ANKRD31: variants seen among roughly 807,000 people sequenced by gnomAD.
ANKRD31 encodes the protein ankyrin repeat domain-containing protein 31.
Under a neutral mutation model 186.0 loss-of-function variants are expected in ANKRD31, and 147 were observed. That is an observed-to-expected ratio of 0.79 (90% CI 0.69 to 0.91). The LOEUF is 0.91. Ranked by LOEUF, ANKRD31 falls within the 40% of genes least tolerant of loss-of-function variation. The probability of loss-of-function intolerance (pLI) is 0.00; values close to 1 mark genes in which losing one functional copy is unlikely to be tolerated. For synonymous variants in ANKRD31, 673 were observed against 736.4 expected, an observed-to-expected ratio of 0.91 and a Z score of 1.39; for missense variants, 1,986 against 2,148.8, an observed-to-expected ratio of 0.92 and a Z score of 1.50.
intron 6 of ANKRD31, among the ~76,000 whole-genome samples, chr5:75,197,692 A>C (rs1007961544): frequency 6.6e-6 from 1 of 152,208 alleles, no homozygotes; most frequent in African/African-American, 2.4e-5. Flanking sequence ...AAGTCCTCGC[A>C]CCAGGTATAA....
intron 3 of ANKRD31, among the ~76,000 whole-genome samples, chr5:75,221,735 C>T (rs1757316385): frequency 6.6e-6 from 1 of 152,156 alleles, no homozygotes; most frequent in Admixed American, 6.5e-5. Context: ...TTTTCTTCCC[C>T]AGTCTACTCA....
At chr5:75,093,438 C>T (rs1034775924) in intron 22 of ANKRD31, among the ~76,000 whole-genome samples, 1 of 151,944 alleles carries the variant, frequency 6.6e-6, no homozygotes, top group Admixed American at 6.6e-5. Context: ...ACTGAGATTG[C>T]ACCACTGCAC....
intron 3 of ANKRD31, among the ~76,000 whole-genome samples, chr5:75,219,023 C>T (rs1757133256): frequency 1.3e-5 from 2 of 152,016 alleles, no homozygotes; most frequent in Admixed American, 6.6e-5. Flanking sequence ...ACAGCCACCA[C>T]CAAACATCAT....
intron 19 of ANKRD31, 147 bp from the exon 20 acceptor site, chr5:75,112,747 G>T: frequency 2.0e-6 from 1 of 492,304 alleles, no homozygotes. Context: ...GTACTCATAC[G>T]TTGTATAAGC....
At chr5:75,092,157 T>C (rs569284693) in intron 22 of ANKRD31, among the ~76,000 whole-genome samples, 2 of 152,128 alleles carry the variant, frequency 1.3e-5, no homozygotes, top group African/African-American at 4.8e-5. Context: ...CTAACTTCAT[T>C]TGCAACAGAG....
rs530038515 is a variant in ANKRD31, at chr5:75,193,549, G to A, written c.1060C>T (p.His354Tyr). Residue 354 changes from histidine to tyrosine, a missense_variant, in exon 8 of 26, where the codon CAT becomes TAT. By Grantham distance (83) the His-to-Tyr change is moderately conservative. Coordinates refer to ENST00000506364, the MANE Select transcript of ANKRD31 (RefSeq NM_001372053.1). Reference sequence around the variant, plus strand: ...GGCTCACAAGAAGTGATATTTTGATGAGCCAAAGTTTGCAATCCAGATGGA... The same window carrying A: ...GGCTCACAAGAAGTGATATTTTGATAAGCCAAAGTTTGCAATCCAGATGGA... ...PNPSGLQTLA[H>Y]QNITSCEPLS... 37 of 1,536,552 alleles carry A rather than the reference G, an allele frequency of 2.4e-5. No individual in the cohort carries two copies. The highest frequency in any genetic ancestry group is 3.2e-5 in the Non-Finnish European group (37 of 1,146,620).
chr5:75,154,402 G>A, intron 11 of ANKRD31, 57 bp from the exon 12 acceptor site: 4 of 1,423,096 alleles, frequency 2.8e-6, no homozygotes, highest in Non-Finnish European at 2.8e-6. Context: ...TACTGTGAAT[G>A]TGTGCTAGCA....
At chr5:75,145,839 AC>A (rs1398830810) in intron 14 of ANKRD31, 147 bp downstream of exon 14, 2 of 626,582 alleles carry the variant, frequency 3.2e-6, no homozygotes, top group African/African-American at 3.7e-5. Flanking sequence ...TTACTTAACT[AC>A]TAGGTTTAGT....
intron 6 of ANKRD31, among the ~76,000 whole-genome samples, chr5:75,199,273 G>A (rs553319463): frequency 6.6e-6 from 1 of 152,154 alleles, no homozygotes; most frequent in Admixed American, 6.6e-5. Context: ...AGCAGAGCCA[G>A]TCCTATAGTC....
chr5:75,140,780 G>C (rs1750995130), intron 15 of ANKRD31, among the ~76,000 whole-genome samples: 1 of 152,150 alleles, frequency 6.6e-6, no homozygotes, highest in African/African-American at 2.4e-5. Flanking sequence ...TCACCAGTGA[G>C]GAACTGAGGC....
Position 75,210,871 on chromosome 5 carries a change from A to AG in ANKRD31, c.289-7dup. On this transcript the variant is annotated splice_polypyrimidine_tract_variant and splice_region_variant and intron_variant, in intron 3 of 25. Coordinates refer to ENST00000506364, the MANE Select transcript of ANKRD31 (RefSeq NM_001372053.1). ...CGTTCTGTTTCATCTTGAGACTGCT[A>AG]GGAAAAAAAAAAGTTTTTTCCAACT... 6.6e-7 allele frequency: 1 copy of AG among 1,508,212 alleles called. No individual in the cohort carries two copies. Among genetic ancestry groups the AG allele is most frequent in the South Asian group, 1.3e-5 (1 of 77,370 alleles). 93.4% of individuals were successfully genotyped at this position (1,508,212 alleles called of 1,614,324 possible). A position where few individuals can be genotyped will look rare whatever the true frequency, so the allele number is the denominator to read the frequency against.
At chr5:75,134,202 T>C (rs71429533) in intron 17 of ANKRD31, among the ~76,000 whole-genome samples, 2 of 151,994 alleles carry the variant, frequency 1.3e-5, no homozygotes, top group Non-Finnish European at 2.9e-5. Context: ...CAAAAAACCC[T>C]TCAAAATATT....
chr5:75,094,254 A>G (rs948333900), intron 22 of ANKRD31, among the ~76,000 whole-genome samples: 2 of 152,196 alleles, frequency 1.3e-5, no homozygotes, highest in Non-Finnish European at 1.5e-5. Flanking sequence ...GGTATAACAA[A>G]AGCTATAAAT....
chr5:75,180,087 T>C (rs1240273040), intron 10 of ANKRD31, among the ~76,000 whole-genome samples: 1 of 152,108 alleles, frequency 6.6e-6, no homozygotes, highest in Non-Finnish European at 1.5e-5. Flanking sequence ...TATACACCTA[T>C]AACAGACAAA....
intron 10 of ANKRD31, among the ~76,000 whole-genome samples, chr5:75,187,796 T>TC (rs1486793205): frequency 2.0e-5 from 3 of 152,130 alleles, no homozygotes; most frequent in Non-Finnish European, 2.9e-5. Context: ...TACTGTGCCA[T>TC]CTCTGTGCAC....
chr5:75,114,939 C>T (rs575736469), intron 19 of ANKRD31, among the ~76,000 whole-genome samples: 39 of 152,184 alleles, frequency 2.6e-4, no homozygotes, highest in East Asian at 5.8e-4. Flanking sequence ...AAAAAGAGCC[C>T]GCATCGCCAA....
chr5:75,236,861 G>T lies in ANKRD31; in HGVS notation c.-175C>A. 1 of 515,882 alleles carries T rather than the reference G, an allele frequency of 1.9e-6. No individual in the cohort carries two copies. The highest frequency in any genetic ancestry group is 3.2e-6 in the Non-Finnish European group (1 of 310,274). 32.0% of individuals were successfully genotyped at this position (515,882 alleles called of 1,614,324 possible). A position where few individuals can be genotyped will look rare whatever the true frequency, so the allele number is the denominator to read the frequency against. The stretch of plus-strand genomic sequence containing the variant: ...GAGGAGGACGCAGGCGGCCGCGAGC[G>T]CGGCGGGGTAGCAGTCTGCGAGGCG... On this transcript the variant is annotated 5_prime_UTR_variant, in exon 1 of 26. Transcript: ENST00000506364.
chr5:75,102,761 G>A (rs1270518664), intron 22 of ANKRD31, among the ~76,000 whole-genome samples: 8 of 152,156 alleles, frequency 5.3e-5, no homozygotes, highest in Non-Finnish European at 8.8e-5. Context: ...CTGGTGTGCC[G>A]TTTGCTAAGA....
chr5:75,169,067 T>TC lies in ANKRD31; in HGVS notation c.1618dup (p.Glu540GlyfsTer22). The TC allele has an allele frequency of 6.5e-7, 1 of 1,537,012 alleles. No individual in the cohort carries two copies. The highest frequency in any genetic ancestry group is 1.4e-5 in the African/African-American group (1 of 73,146). On this transcript the variant is annotated frameshift_variant, in exon 11 of 26. Coordinates refer to ENST00000506364, the MANE Select transcript of ANKRD31 (RefSeq NM_001372053.1). LOFTEE classifies it high-confidence loss of function. ...TACATCTGCTCCACCTTTTAATAGTTCACTTGCTGTCCGATAAAATCCTCC... is the reference window on the plus strand; with the variant it reads ...TACATCTGCTCCACCTTTTAATAGTTCCACTTGCTGTCCGATAAAATCCTCC...
Sources: gnomAD v4.1 joint callset for allele counts (sites outside exome capture counted in the v4.1 genomes callset) on GRCh38, gnomAD v4.1.1 for gene constraint, MANE v1.5 for transcripts, NCBI Gene and HGNC (gene_info 2026-07-23, HGNC 2026-07-21) for gene names.